The following CNTNAP2 variants were observed in gnomAD, a reference collection of about 807,000 sequenced individuals.
CNTNAP2 encodes the protein contactin associated protein 2, also known as contactin-associated protein-like 2.
Under a neutral mutation model 155.2 loss-of-function variants are expected in CNTNAP2, and 98 were observed. The ratio of observed to expected loss-of-function variants is 0.63; its 90% CI spans 0.54 to 0.75. CNTNAP2 has a LOEUF of 0.75. CNTNAP2 is among the 30% of genes least tolerant of loss of function. The probability of loss-of-function intolerance (pLI) is 0.00; values close to 1 mark genes in which losing one functional copy is unlikely to be tolerated. For synonymous variants in CNTNAP2, 651 were observed against 631.2 expected (o/e 1.03, Z -0.47); for missense variants, 1,727 against 1,688.1 (o/e 1.02, Z -0.40).
intron 10 of CNTNAP2, among the ~76,000 whole-genome samples, chr7:147,467,778 C>A (rs1454894081): frequency 6.6e-6 from 1 of 152,120 alleles, no homozygotes; most frequent in Non-Finnish European, 1.5e-5. Context: ...CACCTGTTAC[C>A]CAATACTCTG....
At chr7:147,693,453 A>G (rs1038605824) in intron 13 of CNTNAP2, among the ~76,000 whole-genome samples, 6 of 152,074 alleles carry the variant, frequency 3.9e-5, no homozygotes, top group African/African-American at 1.4e-4. Flanking sequence ...TTGTGATAAT[A>G]TTGAGTCTTT....
chr7:147,308,961 C>G (rs528912349), intron 9 of CNTNAP2, among the ~76,000 whole-genome samples: 1 of 152,056 alleles, frequency 6.6e-6, no homozygotes, highest in Non-Finnish European at 1.5e-5. Flanking sequence ...AATGGAGAAC[C>G]CTGACTTAAA....
At chr7:147,913,332 G>A (rs1800100705) in intron 14 of CNTNAP2, among the ~76,000 whole-genome samples, 1 of 151,578 alleles carries the variant, frequency 6.6e-6, no homozygotes, top group Admixed American at 6.5e-5. Flanking sequence ...GGAGCAATAT[G>A]GAAGTACTTG....
chr7:147,625,313 T>A (rs1378834680), intron 12 of CNTNAP2, among the ~76,000 whole-genome samples: 1 of 152,206 alleles, frequency 6.6e-6, no homozygotes, highest in Non-Finnish European at 1.5e-5. Context: ...CCTCCTTCTC[T>A]GTGATGTGAT....
At chr7:146,947,412 A>AT (rs1563015882) in intron 3 of CNTNAP2, among the ~76,000 whole-genome samples, 9 of 110,072 alleles carry the variant, frequency 8.2e-5, no homozygotes, top group African/African-American at 3.2e-4. Flanking sequence ...CTCTCTCTCT[A>AT]TATATATATA....
chr7:147,908,766 A>C (rs186985850), intron 14 of CNTNAP2, among the ~76,000 whole-genome samples: 81 of 152,306 alleles, frequency 5.3e-4, no homozygotes, highest in Non-Finnish European at 9.9e-4. Flanking sequence ...ATTAAATCTC[A>C]TGCTTTTAGA....
At chr7:147,629,952 C>G (rs1771912954) in intron 12 of CNTNAP2, among the ~76,000 whole-genome samples, 1 of 150,178 alleles carries the variant, frequency 6.7e-6, no homozygotes. Flanking sequence ...GCAAACCCAG[C>G]AGAAAAAAAG....
At chr7:147,821,611 G>C (rs1486487593) in intron 13 of CNTNAP2, among the ~76,000 whole-genome samples, 1 of 152,156 alleles carries the variant, frequency 6.6e-6, no homozygotes, top group Non-Finnish European at 1.5e-5. Context: ...CTTAGGAACT[G>C]AGATTGGAAT....
rs1379460699 is a variant in CNTNAP2, at chr7:148,376,597, T to C, written c.3476-7052T>C. 2.9e-5 allele frequency among the ~76,000 whole-genome samples: 2 copies of C among 68,408 alleles called. 1 individual carries two copies. Among genetic ancestry groups the C allele is most frequent in the African/African-American group, 7.2e-5 (2 of 27,886 alleles). The allele number at this position is 68,408 out of a possible 152,430, so 44.9% of individuals were successfully genotyped here. On this transcript the variant is annotated intron_variant, in intron 21 of 23. Coordinates refer to ENST00000361727, the MANE Select transcript of CNTNAP2 (RefSeq NM_014141.6). ...TCTGCTTCTCCCAGCATTCTGCCTC[T>C]GCATAATTGAGTTAGTGCATTTCAT...
chr7:148,166,479 G>A (rs900681877), intron 17 of CNTNAP2, among the ~76,000 whole-genome samples: 2 of 136,024 alleles, frequency 1.5e-5, no homozygotes, highest in African/African-American at 6.2e-5. Flanking sequence ...TTCTGAATTT[G>A]AGGACAGTGT....
At chr7:147,474,329 C>T (rs1276007385) in intron 10 of CNTNAP2, among the ~76,000 whole-genome samples, 1 of 152,012 alleles carries the variant, frequency 6.6e-6, no homozygotes, top group Non-Finnish European at 1.5e-5. Flanking sequence ...CACGGTGGCT[C>T]ACGCCTGTAA....
At chr7:146,414,500 A>C (rs1795909494) in intron 1 of CNTNAP2, among the ~76,000 whole-genome samples, 1 of 152,154 alleles carries the variant, frequency 6.6e-6, no homozygotes, top group Non-Finnish European at 1.5e-5. Flanking sequence ...GATAGTTGCT[A>C]ATACCCTGAG....
chr7:146,976,142 A>T (rs1444491407), intron 3 of CNTNAP2, among the ~76,000 whole-genome samples: 1 of 152,226 alleles, frequency 6.6e-6, no homozygotes, highest in African/African-American at 2.4e-5. Flanking sequence ...TAACCTAAAA[A>T]TATCACAGAG....
chr7:146,836,630 G>C (rs1467357831), intron 2 of CNTNAP2, among the ~76,000 whole-genome samples: 4 of 151,954 alleles, frequency 2.6e-5, no homozygotes, highest in South Asian at 2.1e-4. Flanking sequence ...CATCATTACT[G>C]TTTGTAAGCA....
At chr7:147,142,058 C>T (rs1413774203) in intron 8 of CNTNAP2, among the ~76,000 whole-genome samples, 1 of 152,004 alleles carries the variant, frequency 6.6e-6, no homozygotes, top group East Asian at 1.9e-4. Flanking sequence ...AATTGAATAC[C>T]CTTTATTTCC....
chr7:146,803,535 G>A (rs555446960), intron 2 of CNTNAP2, among the ~76,000 whole-genome samples: 2 of 152,156 alleles, frequency 1.3e-5, no homozygotes, highest in South Asian at 2.1e-4. Context: ...CACATTGTTG[G>A]CCCTCAATAA....
intron 4 of CNTNAP2, among the ~76,000 whole-genome samples, chr7:147,085,397 A>G (rs1042989222): frequency 4.6e-5 from 7 of 152,052 alleles, no homozygotes; most frequent in Admixed American, 4.6e-4. Context: ...TGCCCGCATT[A>G]GATTCTCATA....
At position 148,415,511 on chromosome 7, in the gene CNTNAP2, AGCAAAGGGGGCGGAGTCG is replaced by A; in HGVS notation, c.3895_3912del (p.Lys1299_Ala1304del). On this transcript the variant is annotated inframe_deletion, in exon 24 of 24. Coordinates refer to ENST00000361727, the MANE Select transcript of CNTNAP2 (RefSeq NM_014141.6). ...ACAAGGGCACCTACCATACCAACGAAGCAAAGGGGGCGGAGTCGGCAGAGAGCGCGGACGCCGCCATCA... is the reference window on the plus strand; with the variant it reads ...ACAAGGGCACCTACCATACCAACGAAGCAGAGAGCGCGGACGCCGCCATCA... 6.2e-7 allele frequency: 1 copy of A among 1,614,228 alleles called. No homozygotes were observed. The highest frequency in any genetic ancestry group is 8.5e-7 in the Non-Finnish European group (1 of 1,180,042).
chr7:147,474,064 T>G (rs1798272918), intron 10 of CNTNAP2, among the ~76,000 whole-genome samples: 1 of 150,850 alleles, frequency 6.6e-6, no homozygotes, highest in Non-Finnish European at 1.5e-5. Flanking sequence ...GGGAGACAAG[T>G]ACGAAACTCC....
Sources: gnomAD v4.1 joint callset for allele counts (sites outside exome capture counted in the v4.1 genomes callset) on GRCh38, gnomAD v4.1.1 for gene constraint, MANE v1.5 for transcripts, NCBI Gene and HGNC (gene_info 2026-07-23, HGNC 2026-07-21) for gene names.